TENM3: variants seen among roughly 807,000 people sequenced by gnomAD.
The protein encoded by TENM3 is teneurin-3.
TENM3 carries 63 observed loss-of-function variants against 255.1 expected under a neutral mutation model. The observed-to-expected ratio is 0.25, with a 90% CI of 0.20 to 0.30. The LOEUF is 0.30. Among genes scored for constraint, TENM3 ranks in the 10% least tolerant of loss-of-function variants. The pLI is 1.00. For missense variants in TENM3, 2,929 were observed against 3,461.1 expected, an observed-to-expected ratio of 0.85 and a Z score of 3.86; for synonymous variants, 1,306 against 1,322.3, an observed-to-expected ratio of 0.99 and a Z score of 0.27.
At chr4:182,521,789 A>G (rs1436579987) in intron 3 of TENM3, among the ~76,000 whole-genome samples, 2 of 152,046 alleles carry the variant, frequency 1.3e-5, no homozygotes, top group African/African-American at 4.8e-5. Context: ...CTAAGCAATT[A>G]TTATTTAACT....
the TENM3 span, among the ~76,000 whole-genome samples, chr4:181,869,090 G>A: frequency 1.3e-5 from 2 of 151,076 alleles, no homozygotes; most frequent in African/African-American, 4.9e-5. Flanking sequence ...CCATTTTAGG[G>A]TATCTGTTTC....
At chr4:181,643,584 G>A in the TENM3 span, among the ~76,000 whole-genome samples, 1 of 152,044 alleles carries the variant, frequency 6.6e-6, no homozygotes, top group Non-Finnish European at 1.5e-5. Flanking sequence ...ATTGGACTAA[G>A]GAGTTGACTG....
At chr4:182,189,068 TATTA>T (rs796569136) in intron 1 of TENM3, among the ~76,000 whole-genome samples, 4 of 152,280 alleles carry the variant, frequency 2.6e-5, no homozygotes, top group African/African-American at 7.2e-5. Flanking sequence ...ATTTTTGTAA[TATTA>T]AATAATCAAA....
the TENM3 span, among the ~76,000 whole-genome samples, chr4:181,754,980 G>A: frequency 6.6e-6 from 1 of 152,142 alleles, no homozygotes; most frequent in Admixed American, 6.6e-5. Flanking sequence ...TGGAAAGTCA[G>A]CTCTCAAGGG....
At chr4:182,698,119 C>T (rs1474810005) in intron 12 of TENM3, 1 of 152,162 alleles carries the variant, frequency 6.6e-6, no homozygotes, top group Admixed American at 6.5e-5. Flanking sequence ...GTCTTTCGCT[C>T]AGTGTTCCAC....
At chr4:181,801,747 G>C in the TENM3 span, among the ~76,000 whole-genome samples, 1 of 143,330 alleles carries the variant, frequency 7.0e-6, no homozygotes, top group Non-Finnish European at 1.5e-5. Flanking sequence ...TTACTACCTG[G>C]CCCTTTAGAG....
the TENM3 span, among the ~76,000 whole-genome samples, chr4:181,961,209 G>A: frequency 1.3e-5 from 2 of 152,204 alleles, no homozygotes; most frequent in Non-Finnish European, 2.9e-5. Context: ...TGCTGGAACT[G>A]AGCAAAATAA....
the TENM3 span, among the ~76,000 whole-genome samples, chr4:182,066,707 G>C: frequency 6.6e-5 from 10 of 151,378 alleles, no homozygotes; most frequent in Non-Finnish European, 1.3e-4. Flanking sequence ...TCAGGAGATC[G>C]AGACCGTCCT....
chr4:181,512,944 T>A, the TENM3 span, among the ~76,000 whole-genome samples: 3 of 152,218 alleles, frequency 2.0e-5, no homozygotes, highest in Admixed American at 1.3e-4. Flanking sequence ...TGCTTTCTTT[T>A]TGAGACTATA....
chr4:181,525,395 T>C, the TENM3 span, among the ~76,000 whole-genome samples: 1 of 63,510 alleles, frequency 1.6e-5, no homozygotes, highest in Non-Finnish European at 3.0e-5. Context: ...AGACCCTGTT[T>C]CAAAAAAAAA....
chr4:182,629,734 T>G (rs1391132240), intron 5 of TENM3, among the ~76,000 whole-genome samples: 1 of 152,090 alleles, frequency 6.6e-6, no homozygotes, highest in Non-Finnish European at 1.5e-5. Flanking sequence ...CAAAGCAATT[T>G]GTGATGCCCC....
chr4:181,570,879 C>T, the TENM3 span, among the ~76,000 whole-genome samples: 4 of 152,184 alleles, frequency 2.6e-5, no homozygotes, highest in Non-Finnish European at 4.4e-5. Flanking sequence ...CTCAAGCCTC[C>T]GTGAAGTTCT....
the TENM3 span, among the ~76,000 whole-genome samples, chr4:181,825,417 A>C: frequency 2.5e-4 from 36 of 144,624 alleles, no homozygotes; most frequent in East Asian, 8.0e-4. Context: ...AAAAAAAAAA[A>C]AAAAAAAAAC....
chr4:181,631,321 C>T, the TENM3 span, among the ~76,000 whole-genome samples: 1 of 151,598 alleles, frequency 6.6e-6, no homozygotes, highest in Non-Finnish European at 1.5e-5. Flanking sequence ...CGAAGTTTCT[C>T]TTTTGTTGCC....
chr4:182,530,571 A>C (rs1739675241), intron 3 of TENM3, among the ~76,000 whole-genome samples: 2 of 152,046 alleles, frequency 1.3e-5, no homozygotes, highest in African/African-American at 4.8e-5. Context: ...TGTGCGTTTT[A>C]GGATGTTTAG....
the TENM3 span, among the ~76,000 whole-genome samples, chr4:182,071,828 A>C: frequency 6.6e-6 from 1 of 152,122 alleles, no homozygotes; most frequent in Non-Finnish European, 1.5e-5. Context: ...GTTCTTAATC[A>C]CTTCTCTTTT....
chr4:181,912,947 T>C, the TENM3 span, among the ~76,000 whole-genome samples: 1 of 152,104 alleles, frequency 6.6e-6, no homozygotes, highest in Admixed American at 6.6e-5. Context: ...CTGGCAGGGC[T>C]TCTGTGCAGA....
intron 4 of TENM3, among the ~76,000 whole-genome samples, chr4:182,606,449 G>A (rs565588183): frequency 5.3e-5 from 8 of 150,374 alleles, no homozygotes; most frequent in East Asian, 3.9e-4. Context: ...TCTTGAACCC[G>A]GGAGGCAGTG....
At chr4:181,562,432 A>G in the TENM3 span, among the ~76,000 whole-genome samples, 2 of 152,332 alleles carry the variant, frequency 1.3e-5, no homozygotes, top group Middle Eastern at 3.4e-3. Context: ...GTTCAAAAGT[A>G]TGCTATAAAA....
Sources: allele counts gnomAD v4.1 joint callset (sites outside exome capture counted in the v4.1 genomes callset), GRCh38; gene constraint gnomAD v4.1.1; transcripts MANE v1.5; gene names NCBI Gene and HGNC (gene_info 2026-07-23, HGNC 2026-07-21).